The following SLC12A2 variants were observed in gnomAD, a reference collection of about 807,000 sequenced individuals.
SLC12A2 encodes the protein solute carrier family 12 member 2, also known as Na-K-2Cl cotransporter 1.
Under a neutral mutation model 136.3 loss-of-function variants are expected in SLC12A2, and 67 were observed. The ratio of observed to expected loss-of-function variants is 0.49; its 90% CI spans 0.40 to 0.60. The LOEUF (loss-of-function observed/expected upper bound fraction) is 0.60, where lower values mean the gene tolerates loss of function less well. Ranked by LOEUF, SLC12A2 falls within the 20% of genes least tolerant of loss-of-function variation. The probability of loss-of-function intolerance (pLI) is 0.00; values close to 1 mark genes in which losing one functional copy is unlikely to be tolerated. For synonymous variants in SLC12A2, 619 were observed against 562.9 expected (o/e 1.10, Z -1.41); for missense variants, 1,322 against 1,534.7 (o/e 0.86, Z 2.32).
At position 128,084,038 on chromosome 5, in the gene SLC12A2, C is replaced by G. The variant is rs774219622; in HGVS notation, c.84C>G (p.Ala28=). Residue 28 remains alanine (A), a synonymous_variant, in exon 1 of 27, where the codon GCC becomes GCG. Coordinates refer to ENST00000262461, the MANE Select transcript of SLC12A2 (RefSeq NM_001046.3). This position sits in a 1 kb window ranked among gnomAD's most constrained non-coding sequence, Gnocchi z 5.6. ...VGETPSAAAL[A]AARVELPGTA... ...AGACGCCGTCAGCCGCTGCGCTGGC[C>G]GCAGCCAGGGTGGAACTGCCCGGCA... 7.9e-7 allele frequency: 1 copy of G among 1,269,816 alleles called. No homozygotes were observed. Among genetic ancestry groups the G allele is most frequent in the Admixed American group, 4.1e-5 (1 of 24,208 alleles). 78.7% of individuals were successfully genotyped at this position (1,269,816 alleles called of 1,614,324 possible).
chr5:128,137,444 A>T (rs1053683437), intron 7 of SLC12A2, among the ~76,000 whole-genome samples: 1 of 152,112 alleles, frequency 6.6e-6, no homozygotes, highest in African/African-American at 2.4e-5. Context: ...GCCTTCTGTA[A>T]CCACATTGAA....
At chr5:128,140,295 A>G (rs1237201499) in intron 9 of SLC12A2, among the ~76,000 whole-genome samples, 1 of 152,122 alleles carries the variant, frequency 6.6e-6, no homozygotes, top group Non-Finnish European at 1.5e-5. Context: ...CACCGCGCCC[A>G]GCCTGAATTG....
chr5:128,111,122 G>T, intron 1 of SLC12A2: 2 of 428,980 alleles, frequency 4.7e-6, no homozygotes, highest in Non-Finnish European at 8.7e-6. Flanking sequence ...TGAAGATAAC[G>T]TTTCTACTTA....
intron 15 of SLC12A2, among the ~76,000 whole-genome samples, chr5:128,155,386 TTA>T (rs1762844185): frequency 6.6e-6 from 1 of 152,196 alleles, no homozygotes; most frequent in Non-Finnish European, 1.5e-5. Context: ...ATCCTTACCT[TTA>T]TACCCCATCC....
chr5:128,110,960 G>A, intron 1 of SLC12A2: 1 of 813,740 alleles, frequency 1.2e-6, no homozygotes. Flanking sequence ...CTCTTCCCTT[G>A]CACTTGCCAT....
Position 128,182,904 on chromosome 5 carries a change from G to A in SLC12A2, c.3262G>A (p.Val1088Ile), listed in dbSNP as rs1333462106. ...KFRIDFSDIM[V>I]LGDINTKPKK... ...CCGGATAGACTTTTCTGATATCATG[G>A]TTCTAGGAGATATCAATACCAAACC... is the stretch of plus-strand genomic sequence containing the variant. The change falls in exon 24 of 27, where the codon GTT (valine) becomes ATT (isoleucine). Residue 1088 changes from valine to isoleucine, a missense_variant. By Grantham distance (29) the Val-to-Ile change is conservative (BLOSUM62 3). Transcript: ENST00000262461. 2 of 1,610,642 alleles carry A rather than the reference G, an allele frequency of 1.2e-6. No homozygotes were observed. The highest frequency in any genetic ancestry group is 2.2e-5 in the South Asian group (2 of 90,592).
chr5:128,156,060 A>G (rs1371771887), intron 15 of SLC12A2, among the ~76,000 whole-genome samples: 1 of 152,136 alleles, frequency 6.6e-6, no homozygotes, highest in Non-Finnish European at 1.5e-5. Context: ...GGGGAGGTTC[A>G]GGGACAGTGG....
chr5:128,151,117 T>C lies in SLC12A2; in HGVS notation c.2108-124T>C, dbSNP rs922422430. The C allele has an allele frequency of 9.3e-6, 7 of 750,312 alleles. No individual in the cohort carries two copies. The Admixed American group carries it at 1.4e-4, about 15-fold the overall frequency. 46.5% of individuals were successfully genotyped at this position (750,312 alleles called of 1,614,324 possible). A position where few individuals can be genotyped will look rare whatever the true frequency, so the allele number is the denominator to read the frequency against. ...ACTTTACTATTCAATATTAGACTTA[T>C]ACTTAATGCTTAAAGTCCTCTCAGT... On this transcript the variant is annotated intron_variant, in intron 13 of 26. Transcript: ENST00000262461.
At chr5:128,114,397 T>A in intron 3 of SLC12A2, 110 bp downstream of exon 3, 1 of 901,512 alleles carries the variant, frequency 1.1e-6, no homozygotes, top group Non-Finnish European at 1.8e-6. Context: ...TACGTTTTCC[T>A]TTATATCAGA....
rs1380998227 is a variant in SLC12A2, at chr5:128,186,736, T to C, written c.*105T>C. Reference sequence around the variant, plus strand: ...ACATCACAATGGCGAATGGTGACTTTTCTTTCACGATTTCATTAATTTGAA... The same window carrying C: ...ACATCACAATGGCGAATGGTGACTTCTCTTTCACGATTTCATTAATTTGAA... On this transcript the variant is annotated 3_prime_UTR_variant, in exon 27 of 27. Transcript: ENST00000262461. 2 of 1,196,388 alleles carry C rather than the reference T, an allele frequency of 1.7e-6. No individual in the cohort carries two copies. The highest frequency in any genetic ancestry group is 2.4e-5 in the East Asian group (1 of 42,496). The allele number at this position is 1,196,388 out of a possible 1,614,324, so 74.1% of individuals were successfully genotyped here.
chr5:128,111,519 A>T (rs1761142932), intron 1 of SLC12A2, among the ~76,000 whole-genome samples: 1 of 152,148 alleles, frequency 6.6e-6, no homozygotes, highest in Non-Finnish European at 1.5e-5. Flanking sequence ...TAATCCTAGC[A>T]CTTTGAGAGG....
chr5:128,110,961 C>T (rs1386988799), intron 1 of SLC12A2: 4 of 813,090 alleles, frequency 4.9e-6, no homozygotes, highest in Admixed American at 1.7e-5. Context: ...TCTTCCCTTG[C>T]ACTTGCCATA....
rs115373111 is a variant in SLC12A2 at position 128,178,191 on chromosome 5, C to T, written c.2978-376C>T. ...CCAGATTACCAAAGAAATAGTTTCA[C>T]AGAACAGGTATAAACTTGATTTGTC... On this transcript the variant is annotated intron_variant, in intron 21 of 26. Coordinates refer to ENST00000262461, the MANE Select transcript of SLC12A2 (RefSeq NM_001046.3). Among the ~76,000 whole-genome samples, 758 of 152,240 alleles carry T rather than the reference C, an allele frequency of 5.0e-3. 5 individuals are homozygous for T. Among genetic ancestry groups the T allele is most frequent in the African/African-American group, 0.017 (725 of 41,542 alleles).
In SLC12A2 at chr5:128,142,060, A is replaced by G. The variant is rs536619040; in HGVS notation, c.1773+79A>G. On this transcript the variant is annotated intron_variant, in intron 10 of 26. Transcript: ENST00000262461. The stretch of plus-strand genomic sequence containing the variant: ...CTACTATCAAATATGACCATTCAGA[A>G]TATAGCTGTAACATAGAAGGGAGGA... 3.3e-5 allele frequency: 39 copies of G among 1,193,874 alleles called. No homozygotes were observed. The South Asian group carries it at 5.2e-4, about 16-fold the overall frequency. 74.0% of individuals were successfully genotyped at this position (1,193,874 alleles called of 1,614,324 possible).
At chr5:128,162,126 G>T (rs1203447989) in intron 17 of SLC12A2, among the ~76,000 whole-genome samples, 1 of 152,100 alleles carries the variant, frequency 6.6e-6, no homozygotes, top group African/African-American at 2.4e-5. Context: ...ATCCGTTTCT[G>T]TTGTGTGTTT....
chr5:128,087,260 G>A (rs1760136561), intron 1 of SLC12A2, among the ~76,000 whole-genome samples: 1 of 152,194 alleles, frequency 6.6e-6, no homozygotes, highest in African/African-American at 2.4e-5. Context: ...TATTGGGGAA[G>A]GGGGTATCTT....
At chr5:128,135,956 T>G in intron 7 of SLC12A2, 148 bp downstream of exon 7, 1 of 625,846 alleles carries the variant, frequency 1.6e-6, no homozygotes, top group Non-Finnish European at 2.8e-6. Flanking sequence ...TTGTCCCCTT[T>G]ATGCTGTACA....
intron 1 of SLC12A2, among the ~76,000 whole-genome samples, chr5:128,086,638 T>G (rs1212607669): frequency 6.6e-6 from 1 of 152,222 alleles, no homozygotes; most frequent in Non-Finnish European, 1.5e-5. Flanking sequence ...CTTTGTAGTT[T>G]ACCTTCTGCC....
intron 7 of SLC12A2, 135 bp from the exon 8 acceptor site, chr5:128,138,462 G>A (rs1430359862): frequency 1.4e-6 from 1 of 724,170 alleles, no homozygotes; most frequent in African/African-American, 1.8e-5. Flanking sequence ...ACTTGAACTG[G>A]GAAATATGCA....
Sources: allele counts gnomAD v4.1 joint callset (sites outside exome capture counted in the v4.1 genomes callset), GRCh38; gene constraint gnomAD v4.1.1; non-coding constraint Gnocchi (gnomAD v3.1); transcripts MANE v1.5; gene names NCBI Gene and HGNC (gene_info 2026-07-23, HGNC 2026-07-21).